The following HDAC2 variants were observed in gnomAD, a reference collection of about 807,000 sequenced individuals.
HDAC2 encodes the protein histone deacetylase 2, also known as YY1-associated factor 1.
HDAC2 carries 5 observed loss-of-function variants against 68.5 expected under a neutral mutation model. The observed-to-expected ratio is 0.07, with a 90% CI of 0.04 to 0.15. The LOEUF is 0.15. Ranked by LOEUF, HDAC2 falls within the 10% of genes least tolerant of loss-of-function variation. HDAC2 has a pLI of 1.00. For missense variants in HDAC2, 291 were observed against 600.8 expected (o/e 0.48, Z 5.39); for synonymous variants, 182 against 191.3 (o/e 0.95, Z 0.40).
In HDAC2 at chr6:113,949,557, C is replaced by G. The variant is rs535623652; in HGVS notation, c.640-297G>C. 3.2e-4 allele frequency among the ~76,000 whole-genome samples: 49 copies of G among 152,118 alleles called. 1 individual carries two copies. The South Asian group carries it at 9.9e-3, about 31-fold the overall frequency. ...ACACAAGTTAAAGGCAATGAAATTACATTACATTAAACCAGAAAATCCATC... is the reference window on the plus strand; with the variant it reads ...ACACAAGTTAAAGGCAATGAAATTAGATTACATTAAACCAGAAAATCCATC... On this transcript the variant is annotated intron_variant, in intron 6 of 13. Transcript: ENST00000519065.
chr6:113,943,799 G>A (rs1006267978), intron 11 of HDAC2, among the ~76,000 whole-genome samples: 2 of 152,212 alleles, frequency 1.3e-5, no homozygotes, highest in African/African-American at 4.8e-5. Flanking sequence ...AATAGGGGAT[G>A]GGAATAATGT....
chr6:113,936,501 ATAT>A lies in HDAC2; in HGVS notation c.*4554_*4556del, dbSNP rs1373977655. ...ATCAAGATCCCCCCAAAGTTGTCAA[ATAT>A]TATTCGTATCCTTGCTAAAATCAGG... On this transcript the variant is annotated 3_prime_UTR_variant, in exon 14 of 14. Coordinates refer to ENST00000519065, the MANE Select transcript of HDAC2 (RefSeq NM_001527.4). The A allele has an allele frequency of 1.3e-5, 2 of 152,144 alleles. No homozygotes were observed. The highest frequency in any genetic ancestry group is 2.9e-5 in the Non-Finnish European group (2 of 68,036). The allele number at this position is 152,144 out of a possible 1,614,324, so 9.4% of individuals were successfully genotyped here. A position where few individuals can be genotyped will look rare whatever the true frequency, so the allele number is the denominator to read the frequency against.
chr6:113,954,346 C>G (rs9488289), intron 5 of HDAC2, among the ~76,000 whole-genome samples: 44,197 of 151,890 alleles, frequency 0.29, 6,554 homozygotes, highest in East Asian at 0.38. Context: ...ATTCTCATAA[C>G]ACTATAAACA....
rs1178548080 is a variant in HDAC2, at chr6:113,934,120, T to C, written c.*6938A>G. ...CCTATCCTATTCAACAACCAAGAAA[T>C]AGATTTCATACCTATTACACATAAA... On this transcript the variant is annotated 3_prime_UTR_variant, in exon 14 of 14. Transcript: ENST00000519065. 1 of 152,084 alleles carries C rather than the reference T, an allele frequency of 6.6e-6. No homozygotes were observed. The highest frequency in any genetic ancestry group is 1.5e-5 in the Non-Finnish European group (1 of 68,014). 9.4% of individuals were successfully genotyped at this position (152,084 alleles called of 1,614,324 possible). A position where few individuals can be genotyped will look rare whatever the true frequency, so the allele number is the denominator to read the frequency against.
Position 113,939,934 on chromosome 6 carries a change from T to C in HDAC2, c.*1124A>G, listed in dbSNP as rs1008383024. The C allele has an allele frequency of 6.6e-6, 1 of 152,226 alleles. No individual in the cohort carries two copies. The highest frequency in any genetic ancestry group is 1.5e-5 in the Non-Finnish European group (1 of 68,036). 9.4% of individuals were successfully genotyped at this position (152,226 alleles called of 1,614,324 possible). ...AAGAGAAATACTTTTGACTGAATTA[T>C]CTTCTGGCATTCTGTAATTTTTAAT... On this transcript the variant is annotated 3_prime_UTR_variant, in exon 14 of 14. Transcript: ENST00000519065.
Position 113,943,354 on chromosome 6 carries a change from T to C in HDAC2, c.1375A>G (p.Thr459Ala). The part of the protein sequence containing the change: ...EDKKETEDKK[T>A]DVKEEDKSKD... ...ATTACCAAGAAACAAATCTGACCTG[T>C]TTTTTTGTCCTCTGTTTCTTTCTTA... Residue 459 changes from threonine (T) to alanine (A), a missense_variant, in exon 12 of 14, where the codon ACA becomes GCA. Physicochemically the swap from Thr to Ala is moderately conservative, Grantham distance 58. This residue lies in a region of HDAC2 where 137 missense variants were observed against 128.7 expected (regional missense o/e 1.06). Transcript: ENST00000519065. The C allele has an allele frequency of 6.3e-7, 1 of 1,591,300 alleles. No individual in the cohort carries two copies. The highest frequency in any genetic ancestry group is 8.5e-7 in the Non-Finnish European group (1 of 1,171,984).
Position 113,941,759 on chromosome 6 carries a change from T to A in HDAC2, c.1385A>T (p.Lys462Met). The stretch of plus-strand genomic sequence containing the variant: ...GTTGTCCTTGGATTTATCTTCTTCC[T>A]TAACGTCTAAAAATAAAGATTGGGA... Reference protein sequence around the residue: ...KETEDKKTDVKEEDKSKDNSG... With the variant: ...KETEDKKTDVMEEDKSKDNSG... Residue 462 changes from lysine to methionine, a missense_variant, in exon 13 of 14, where the codon AAG becomes ATG. Transcript: ENST00000519065. The A allele has an allele frequency of 7.3e-7, 1 of 1,365,998 alleles. No homozygotes were observed. The highest frequency in any genetic ancestry group is 1.0e-6 in the Non-Finnish European group (1 of 993,450). 84.6% of individuals were successfully genotyped at this position (1,365,998 alleles called of 1,614,324 possible).
At position 113,959,956 on chromosome 6, in the gene HDAC2, T is replaced by A; in HGVS notation, c.115A>T (p.Thr39Ser). 6.3e-7 allele frequency: 1 copy of A among 1,591,748 alleles called. No homozygotes were observed. The highest frequency in any genetic ancestry group is 8.6e-7 in the Non-Finnish European group (1 of 1,160,060). ...CCATAATTTAACAGCAAGTTATGGG[T>A]CATGCGGATTCTATGAGGCTTCATG... ...HPMKPHRIRMTHNLLLNYGLY... is the reference protein window; with the variant it reads ...HPMKPHRIRMSHNLLLNYGLY... The change falls in exon 2 of 14, where the codon ACC (threonine) becomes TCC (serine). Residue 39 changes from threonine to serine, a missense_variant. Around this residue, in one of 2 missense-constraint regions of HDAC2, gnomAD observed 154 missense variants for 472.1 expected, o/e 0.33. Coordinates refer to ENST00000519065, the MANE Select transcript of HDAC2 (RefSeq NM_001527.4).
intron 5 of HDAC2, 133 bp from the exon 6 acceptor site, chr6:113,953,551 A>T: frequency 1.8e-6 from 1 of 548,470 alleles, no homozygotes; most frequent in Non-Finnish European, 3.2e-6. Flanking sequence ...ATTCAGCCTA[A>T]GAGGTTATTC....
chr6:113,950,229 A>G (rs1776377215), intron 6 of HDAC2, among the ~76,000 whole-genome samples: 1 of 148,844 alleles, frequency 6.7e-6, no homozygotes. Context: ...TATTATATAT[A>G]CTTACTTATT....
intron 3 of HDAC2, among the ~76,000 whole-genome samples, chr6:113,958,117 G>A (rs965991290): frequency 1.3e-5 from 2 of 152,096 alleles, no homozygotes; most frequent in Admixed American, 6.5e-5. Flanking sequence ...ATAATTTTAG[G>A]TTGACTTTTG....
In HDAC2 at chr6:113,937,019, A is replaced by C. The variant is rs1258868118; in HGVS notation, c.*4039T>G. On this transcript the variant is annotated 3_prime_UTR_variant, in exon 14 of 14. Coordinates refer to ENST00000519065, the MANE Select transcript of HDAC2 (RefSeq NM_001527.4). Reference sequence around the variant, plus strand: ...AAAAAAGAAAAAAAAATAGCAGCTAACCCTTACTGAGCATTAACTATGTTA... The same window carrying C: ...AAAAAAGAAAAAAAAATAGCAGCTACCCCTTACTGAGCATTAACTATGTTA... The C allele has an allele frequency of 2.6e-5, 4 of 152,048 alleles. No homozygotes were observed. The highest frequency in any genetic ancestry group is 1.3e-4 in the Admixed American group (2 of 15,256). The allele number at this position is 152,048 out of a possible 1,614,324, so 9.4% of individuals were successfully genotyped here.
intron 1 of HDAC2, among the ~76,000 whole-genome samples, chr6:113,965,480 T>G (rs1313394439): frequency 6.6e-6 from 1 of 152,136 alleles, no homozygotes; most frequent in African/African-American, 2.4e-5. Context: ...GCGATTCTCC[T>G]GCCTCAGCCT....
intron 1 of HDAC2, among the ~76,000 whole-genome samples, chr6:113,967,202 C>G (rs1776844401): frequency 6.6e-6 from 1 of 152,194 alleles, no homozygotes; most frequent in African/African-American, 2.4e-5. Context: ...TATCTTGGCT[C>G]ACTGCAACCT....
chr6:113,963,586 G>C (rs563632009), intron 1 of HDAC2, among the ~76,000 whole-genome samples: 50 of 152,272 alleles, frequency 3.3e-4, no homozygotes, highest in African/African-American at 1.1e-3. Context: ...CAACTTAATA[G>C]TCAAGGAAAT....
chr6:113,949,595 T>C (rs1776353536), intron 6 of HDAC2, among the ~76,000 whole-genome samples: 1 of 152,160 alleles, frequency 6.6e-6, no homozygotes. Flanking sequence ...AAATAGAATA[T>C]TTAAGATGAC....
Position 113,968,881 on chromosome 6 carries a change from G to C in HDAC2, c.52+1976C>G, listed in dbSNP as rs896354817. On this transcript the variant is annotated intron_variant, in intron 1 of 13. Transcript: ENST00000519065. ...ACTCAAGTGTACCCTCCTGGTTCTA[G>C]GGTTCCATTGTGGTGACAACAAATT... Among the ~76,000 whole-genome samples, 3 of 152,196 alleles carry C rather than the reference G, an allele frequency of 2.0e-5. No individual in the cohort carries two copies. The East Asian group carries it at 5.8e-4, about 29-fold the overall frequency.
intron 6 of HDAC2, among the ~76,000 whole-genome samples, chr6:113,951,835 C>A (rs891711297): frequency 6.6e-6 from 1 of 152,156 alleles, no homozygotes; most frequent in African/African-American, 2.4e-5. Flanking sequence ...TCTAAAACAG[C>A]ATTCTCTAAT....
chr6:113,958,255 T>C (rs1340012875), intron 3 of HDAC2, among the ~76,000 whole-genome samples: 2 of 152,230 alleles, frequency 1.3e-5, no homozygotes, highest in Non-Finnish European at 2.9e-5. Context: ...ATGTGTATTA[T>C]AGTCCAGGTT....
Sources: allele counts gnomAD v4.1 joint callset (sites outside exome capture counted in the v4.1 genomes callset), GRCh38; gene constraint gnomAD v4.1.1; regional missense constraint gnomAD v4.1.1; transcripts MANE v1.5; gene names NCBI Gene and HGNC (gene_info 2026-07-23, HGNC 2026-07-21).